The following APBB2 variants were observed in gnomAD, a reference collection of about 807,000 sequenced individuals.
The protein encoded by APBB2 is amyloid beta precursor protein binding family B member 2.
In APBB2, 38 loss-of-function variants were observed where a neutral mutation model predicts 82.5. The ratio of observed to expected loss-of-function variants is 0.46; its 90% CI spans 0.36 to 0.60. The LOEUF (loss-of-function observed/expected upper bound fraction) is 0.60, where lower values mean the gene tolerates loss of function less well. Ranked by LOEUF, APBB2 falls within the 20% of genes least tolerant of loss-of-function variation. The probability of loss-of-function intolerance (pLI) is 0.00; values close to 1 mark genes in which losing one functional copy is unlikely to be tolerated. For synonymous variants in APBB2, 341 were observed against 368.2 expected, an observed-to-expected ratio of 0.93 and a Z score of 0.85; for missense variants, 772 against 972.3, an observed-to-expected ratio of 0.79 and a Z score of 2.74.
intron 1 of APBB2, among the ~76,000 whole-genome samples, chr4:41,186,824 T>C (rs1180405852): frequency 6.6e-6 from 1 of 152,328 alleles, no homozygotes; most frequent in East Asian, 1.9e-4. Context: ...TATTAATCGA[T>C]AAACATGCTC....
At chr4:41,180,161 C>T (rs1770923373) in intron 1 of APBB2, among the ~76,000 whole-genome samples, 1 of 152,202 alleles carries the variant, frequency 6.6e-6, no homozygotes, top group African/African-American at 2.4e-5. Context: ...TGAAGAGCTT[C>T]CATCAGTGTA....
intron 1 of APBB2, among the ~76,000 whole-genome samples, chr4:41,194,403 C>T: frequency 2.0e-5 from 3 of 152,164 alleles, no homozygotes; most frequent in African/African-American, 2.4e-5. Context: ...ACATCTGGGG[C>T]CGGTCACAGT....
intron 4 of APBB2, among the ~76,000 whole-genome samples, chr4:41,046,593 T>TA (rs1723513758): frequency 1.4e-5 from 2 of 142,048 alleles, no homozygotes; most frequent in Non-Finnish European, 3.1e-5. Flanking sequence ...CTTCTCCAGT[T>TA]TAAAAAAAAA....
chr4:40,920,309 C>T (rs957534963), intron 10 of APBB2, among the ~76,000 whole-genome samples: 3 of 152,172 alleles, frequency 2.0e-5, no homozygotes, highest in Non-Finnish European at 4.4e-5. Flanking sequence ...TGTGAGGTCT[C>T]CCCAGCCATG....
intron 10 of APBB2, among the ~76,000 whole-genome samples, chr4:40,904,512 T>TTG (rs1291744989): frequency 1.3e-5 from 2 of 151,756 alleles, no homozygotes; most frequent in Non-Finnish European, 2.9e-5. Flanking sequence ...TAAAACAACT[T>TTG]TCACAGAGTC....
At chr4:40,923,183 G>T (rs184790352) in intron 10 of APBB2, among the ~76,000 whole-genome samples, 3 of 150,006 alleles carry the variant, frequency 2.0e-5, no homozygotes. Context: ...CACCGTGTTA[G>T]CCAAGATGGT....
intron 1 of APBB2, among the ~76,000 whole-genome samples, chr4:41,207,195 T>A (rs1465696887): frequency 1.8e-4 from 12 of 66,310 alleles, no homozygotes; most frequent in Non-Finnish European, 2.8e-4. Context: ...TGAGACTCCG[T>A]CTCAAAAAAA....
chr4:40,948,376 G>C (rs1257213607), intron 6 of APBB2, among the ~76,000 whole-genome samples: 2 of 152,078 alleles, frequency 1.3e-5, no homozygotes, highest in African/African-American at 4.8e-5. Flanking sequence ...TTGAGTCCAG[G>C]AGTTCGAGAC....
intron 1 of APBB2, among the ~76,000 whole-genome samples, chr4:41,173,764 G>A (rs1324225045): frequency 1.3e-5 from 2 of 152,126 alleles, no homozygotes; most frequent in African/African-American, 4.8e-5. Flanking sequence ...GATAGCCTAG[G>A]TGTGTAATAA....
intron 11 of APBB2, among the ~76,000 whole-genome samples, chr4:40,891,152 G>A (rs1371448352): frequency 6.6e-6 from 1 of 152,226 alleles, no homozygotes; most frequent in African/African-American, 2.4e-5. Flanking sequence ...GAAAGGTTAA[G>A]TAACTTGCTC....
intron 4 of APBB2, among the ~76,000 whole-genome samples, chr4:41,049,203 G>C (rs1369388239): frequency 7.0e-6 from 1 of 142,802 alleles, no homozygotes; most frequent in African/African-American, 2.6e-5. Flanking sequence ...CCGCCGCCCC[G>C]TCTGGGATGT....
chr4:40,915,436 G>A (rs1779599655), intron 10 of APBB2, among the ~76,000 whole-genome samples: 2 of 152,190 alleles, frequency 1.3e-5, no homozygotes, highest in African/African-American at 4.8e-5. Flanking sequence ...CAGCCCCGGA[G>A]CGCAGAGCCT....
At chr4:40,819,176 C>CT (rs1188181954) in intron 17 of APBB2, among the ~76,000 whole-genome samples, 39,693 of 134,836 alleles carry the variant, frequency 0.29, 6,246 homozygotes, top group African/African-American at 0.36. Context: ...CCTTGGCTCT[C>CT]TTTTTTTTTT....
At chr4:41,057,585 A>T (rs531289263) in intron 4 of APBB2, among the ~76,000 whole-genome samples, 2 of 152,338 alleles carry the variant, frequency 1.3e-5, no homozygotes, top group East Asian at 3.9e-4. Flanking sequence ...TCTGAAATAA[A>T]TATGCCAAGT....
At chr4:40,868,029 T>C (rs1397693652) in intron 12 of APBB2, among the ~76,000 whole-genome samples, 1 of 51,986 alleles carries the variant, frequency 1.9e-5, no homozygotes. Flanking sequence ...TGCCTGGCTA[T>C]TTTTTTTTTT....
At chr4:41,052,132 C>G (rs910334556) in intron 4 of APBB2, among the ~76,000 whole-genome samples, 9 of 152,208 alleles carry the variant, frequency 5.9e-5, no homozygotes, top group African/African-American at 2.2e-4. Context: ...CGTTTAGAGG[C>G]TGAGGAAGGA....
At chr4:40,880,049 G>A in intron 12 of APBB2, 1 of 985,308 alleles carries the variant, frequency 1.0e-6, no homozygotes, top group Non-Finnish European at 1.2e-6. Flanking sequence ...GTGTCACTGG[G>A]AGCGATGGCA....
intron 1 of APBB2, among the ~76,000 whole-genome samples, chr4:41,162,086 A>G (rs993903281): frequency 2.0e-5 from 3 of 152,200 alleles, no homozygotes; most frequent in African/African-American, 7.2e-5. Flanking sequence ...TTAAAAAGAT[A>G]AAATTTTTAA....
chr4:40,878,975 T>C (rs1021188082), intron 12 of APBB2, among the ~76,000 whole-genome samples: 1 of 152,162 alleles, frequency 6.6e-6, no homozygotes, highest in African/African-American at 2.4e-5. Context: ...AATTTCCTAA[T>C]TCTTGTCTTT....
Sources: gnomAD v4.1 joint callset for allele counts (sites outside exome capture counted in the v4.1 genomes callset) on GRCh38, gnomAD v4.1.1 for gene constraint, MANE v1.5 for transcripts, NCBI Gene and HGNC (gene_info 2026-07-23, HGNC 2026-07-21) for gene names.